ARHGEF4: variants seen among roughly 807,000 people sequenced by gnomAD.
ARHGEF4 encodes the protein Rho guanine nucleotide exchange factor 4.
ARHGEF4 carries 119 observed loss-of-function variants against 162.0 expected under a neutral mutation model. The observed-to-expected ratio is 0.73, with a 90% CI of 0.63 to 0.86. The LOEUF (loss-of-function observed/expected upper bound fraction) is 0.86, where lower values mean the gene tolerates loss of function less well. Among genes scored for constraint, ARHGEF4 ranks in the 40% least tolerant of loss-of-function variants. The pLI is 0.00. For synonymous variants in ARHGEF4, 1,014 were observed against 979.9 expected, an observed-to-expected ratio of 1.03 and a Z score of -0.65; for missense variants, 2,488 against 2,456.0, an observed-to-expected ratio of 1.01 and a Z score of -0.28.
intron 4 of ARHGEF4, chr2:130,964,214 C>T (rs1015067290): frequency 1.0e-6 from 1 of 985,472 alleles, no homozygotes; most frequent in Non-Finnish European, 1.2e-6. Context: ...GTGTCCCGCT[C>T]CTGGAGCCTG....
intron 1 of ARHGEF4, among the ~76,000 whole-genome samples, chr2:130,901,508 TC>T (rs1317272977): frequency 6.6e-6 from 1 of 150,970 alleles, no homozygotes; most frequent in African/African-American, 2.5e-5. Flanking sequence ...TCCCCTGCGA[TC>T]CAGAGCCCAT....
intron 4 of ARHGEF4, among the ~76,000 whole-genome samples, chr2:131,023,074 C>CA (rs56868632): frequency 0.044 from 2,949 of 66,506 alleles, 192 homozygotes; most frequent in South Asian, 0.18. Flanking sequence ...AACCCTGTCT[C>CA]AAAAAAAAAA....
chr2:130,926,870 G>T (rs1364772623), intron 2 of ARHGEF4, among the ~76,000 whole-genome samples: 1 of 112,536 alleles, frequency 8.9e-6, no homozygotes, highest in East Asian at 3.1e-4. Flanking sequence ...CTAAGAGTAT[G>T]TATTGGTGAG....
chr2:131,000,975 C>T (rs943173321), intron 4 of ARHGEF4, among the ~76,000 whole-genome samples: 3 of 151,882 alleles, frequency 2.0e-5, no homozygotes, highest in African/African-American at 7.3e-5. Context: ...AAATATCTTA[C>T]GAGTGACAAA....
At chr2:130,919,087 A>G (rs1271800056) in intron 2 of ARHGEF4, among the ~76,000 whole-genome samples, 1 of 152,174 alleles carries the variant, frequency 6.6e-6, no homozygotes, top group Non-Finnish European at 1.5e-5. Flanking sequence ...TTGCTTGCTT[A>G]ATACAGCAGG....
intron 1 of ARHGEF4, among the ~76,000 whole-genome samples, chr2:130,896,773 G>A (rs573352750): frequency 6.6e-6 from 1 of 152,296 alleles, no homozygotes; most frequent in East Asian, 1.9e-4. Context: ...GGAAGAAGTA[G>A]GCCTCTGAGA....
chr2:130,931,088 C>T lies in ARHGEF4; in HGVS notation c.3689C>T (p.Ala1230Val). The T allele has an allele frequency of 1.2e-6, 2 of 1,614,222 alleles. No homozygotes were observed. The highest frequency in any genetic ancestry group is 1.3e-5 in the African/African-American group (1 of 75,066). ...MVTWALLCISAETVRGEAPSQ... is the reference protein window; with the variant it reads ...MVTWALLCISVETVRGEAPSQ... ...ACATGGGCCCTCCTCTGCATCTCTGCAGAGACTGTGCGTGGGGAGGCTCCT... is the reference window on the plus strand; with the variant it reads ...ACATGGGCCCTCCTCTGCATCTCTGTAGAGACTGTGCGTGGGGAGGCTCCT... Residue 1230 changes from alanine (A) to valine (V), a missense_variant, in exon 3 of 14, where the codon GCA becomes GTA. Ala to Val is a moderately conservative substitution (Grantham distance 64). Coordinates refer to ENST00000409359, the MANE Select transcript of ARHGEF4 (RefSeq NM_001367493.1).
intron 1 of ARHGEF4, among the ~76,000 whole-genome samples, chr2:130,874,461 C>A (rs55810668): frequency 0.11 from 16,844 of 152,234 alleles, 1,896 homozygotes; most frequent in African/African-American, 0.29. Flanking sequence ...CATGTCTCTG[C>A]ACCTTTTCTT....
chr2:130,870,616 A>G (rs962345482), intron 1 of ARHGEF4, among the ~76,000 whole-genome samples: 1 of 152,182 alleles, frequency 6.6e-6, no homozygotes, highest in Non-Finnish European at 1.5e-5. Flanking sequence ...CCCAGTTACC[A>G]ACAGTCAGGG....
intron 3 of ARHGEF4, 84 bp from the exon 4 acceptor site, chr2:130,946,425 G>T (rs1683622247): frequency 6.7e-7 from 1 of 1,500,182 alleles, no homozygotes; most frequent in African/African-American, 1.4e-5. Flanking sequence ...AAAGTCCTCA[G>T]CAATTAGAAA....
chr2:130,867,324 C>T (rs544790832), intron 1 of ARHGEF4, among the ~76,000 whole-genome samples: 3 of 151,854 alleles, frequency 2.0e-5, no homozygotes, highest in South Asian at 2.1e-4. Flanking sequence ...CTGCAACCTC[C>T]GTCTCCCGGG....
At chr2:130,972,521 T>C (rs919363584) in intron 4 of ARHGEF4, among the ~76,000 whole-genome samples, 2 of 152,220 alleles carry the variant, frequency 1.3e-5, no homozygotes, top group Non-Finnish European at 2.9e-5. Flanking sequence ...GTTCTGGAAA[T>C]CCTGACTCAG....
rs753117494 is a variant in ARHGEF4 at position 130,916,313 on chromosome 2, G to C, written c.2367G>C (p.Gly789=). ...RGLRKGAQEP[G]KRPTFSKVTS... Reference sequence around the variant, plus strand: ...TCCGCAAGGGCGCGCAGGAGCCTGGGAAGCGCCCGACGTTTTCCAAGGTGA... The same window carrying C: ...TCCGCAAGGGCGCGCAGGAGCCTGGCAAGCGCCCGACGTTTTCCAAGGTGA... Residue 789 remains glycine (G), a synonymous_variant, in exon 2 of 14, where the codon GGG becomes GGC. Coordinates refer to ENST00000409359, the MANE Select transcript of ARHGEF4 (RefSeq NM_001367493.1). 1 of 1,542,580 alleles carries C rather than the reference G, an allele frequency of 6.5e-7. No individual in the cohort carries two copies. Among genetic ancestry groups the C allele is most frequent in the Non-Finnish European group, 8.7e-7 (1 of 1,144,926 alleles).
At chr2:131,020,037 A>C (rs1308340058) in intron 4 of ARHGEF4, among the ~76,000 whole-genome samples, 1 of 152,168 alleles carries the variant, frequency 6.6e-6, no homozygotes. Context: ...TTTGTGTGTT[A>C]ATTTATATTC....
At chr2:130,837,443 G>A in intron 1 of ARHGEF4, 1 of 330,456 alleles carries the variant, frequency 3.0e-6, no homozygotes, top group Non-Finnish European at 5.9e-6. Context: ...GGGAGAAGTG[G>A]TTGCTGTTGT....
In ARHGEF4 at chr2:130,914,210, C is replaced by G. The variant is rs1308825770; in HGVS notation, c.264C>G (p.Val88=). The change falls in exon 2 of 14, where the codon GTC becomes GTG. Residue 88 remains valine (V), a synonymous_variant. Coordinates refer to ENST00000409359, the MANE Select transcript of ARHGEF4 (RefSeq NM_001367493.1). ...ESLSGYLPRG[V]FHPLRGTPVD... ...TGTCTGGGTACCTCCCGAGGGGAGT[C>G]TTCCACCCTCTAAGAGGTACTCCCG... 1 of 1,535,962 alleles carries G rather than the reference C, an allele frequency of 6.5e-7. No individual in the cohort carries two copies. Among genetic ancestry groups the G allele is most frequent in the Non-Finnish European group, 8.7e-7 (1 of 1,146,896 alleles).
chr2:130,985,711 G>A (rs1686434936), intron 4 of ARHGEF4, among the ~76,000 whole-genome samples: 1 of 152,160 alleles, frequency 6.6e-6, no homozygotes, highest in Admixed American at 6.5e-5. Flanking sequence ...AACTGTCTGT[G>A]GCACTATTGG....
At chr2:130,968,022 A>G (rs1384575357) in intron 4 of ARHGEF4, among the ~76,000 whole-genome samples, 1 of 152,208 alleles carries the variant, frequency 6.6e-6, no homozygotes, top group South Asian at 2.1e-4. Context: ...TTAGGCAGGC[A>G]GCACCCACAA....
chr2:131,035,818 C>A, intron 5 of ARHGEF4: 1 of 985,344 alleles, frequency 1.0e-6, no homozygotes. Flanking sequence ...TTCACAGCTG[C>A]CCCCACCCTG....
Sources: allele counts gnomAD v4.1 joint callset (sites outside exome capture counted in the v4.1 genomes callset), GRCh38; gene constraint gnomAD v4.1.1; transcripts MANE v1.5; gene names NCBI Gene and HGNC (gene_info 2026-07-23, HGNC 2026-07-21).